The following TRAK1 variants were observed in gnomAD, a reference collection of about 807,000 sequenced individuals.
TRAK1 encodes the protein trafficking kinesin protein 1, also known as trafficking kinesin-binding protein 1.
Under a neutral mutation model 92.1 loss-of-function variants are expected in TRAK1, and 33 were observed. That is an observed-to-expected ratio of 0.36 (90% CI 0.27 to 0.48). The LOEUF (loss-of-function observed/expected upper bound fraction) is 0.48, where lower values mean the gene tolerates loss of function less well. Ranked by LOEUF, TRAK1 falls within the 20% of genes least tolerant of loss-of-function variation. The probability of loss-of-function intolerance (pLI) is 0.99; values close to 1 mark genes in which losing one functional copy is unlikely to be tolerated. For missense variants in TRAK1, 1,123 were observed against 1,257.9 expected (o/e 0.89, Z 1.62); for synonymous variants, 521 against 517.3 (o/e 1.01, Z -0.10).
intron 8 of TRAK1, 99 bp from the exon 9 acceptor site, chr3:42,193,711 GAGCATGTCCTTGTA>G: frequency 9.2e-7 from 1 of 1,086,970 alleles, no homozygotes; most frequent in South Asian, 1.3e-5. Flanking sequence ...AGTATAAGAT[GAGCATGTCCTTGTA>G]GAAAGTGATG....
intron 1 of TRAK1, among the ~76,000 whole-genome samples, chr3:42,121,010 C>A (rs1180374743): frequency 6.6e-6 from 1 of 152,162 alleles, no homozygotes; most frequent in Non-Finnish European, 1.5e-5. Context: ...CAAGTGCACC[C>A]TCCTAGGAGC....
chr3:42,117,627 C>G (rs955523612), intron 1 of TRAK1, among the ~76,000 whole-genome samples: 1 of 152,146 alleles, frequency 6.6e-6, no homozygotes, highest in Non-Finnish European at 1.5e-5. Flanking sequence ...CTACTCAGGT[C>G]CCTGTTCTCC....
chr3:42,077,259 C>A (rs1704202556), intron 1 of TRAK1, among the ~76,000 whole-genome samples: 2 of 152,098 alleles, frequency 1.3e-5, no homozygotes, highest in Non-Finnish European at 2.9e-5. Flanking sequence ...TATATTGATT[C>A]TTCCTATCCA....
At chr3:42,124,677 C>T (rs9311295) in intron 1 of TRAK1, among the ~76,000 whole-genome samples, 94,654 of 151,966 alleles carry the variant, frequency 0.62, 29,781 homozygotes, top group South Asian at 0.77. Context: ...ATGAATCAGA[C>T]ACTGAAATAC....
chr3:42,115,659 T>G (rs963429666), intron 1 of TRAK1, among the ~76,000 whole-genome samples: 2 of 152,234 alleles, frequency 1.3e-5, no homozygotes, highest in Non-Finnish European at 2.9e-5. Context: ...TTGGTTTTCG[T>G]TCCTGTCTCT....
At chr3:42,208,616 G>T (rs1708609833) in intron 13 of TRAK1, among the ~76,000 whole-genome samples, 1 of 152,214 alleles carries the variant, frequency 6.6e-6, no homozygotes, top group African/African-American at 2.4e-5. Flanking sequence ...TATACCCTTG[G>T]TAAACCAGTG....
At chr3:42,039,644 G>C (rs923417328) in intron 1 of TRAK1, among the ~76,000 whole-genome samples, 1 of 152,222 alleles carries the variant, frequency 6.6e-6, no homozygotes, top group African/African-American at 2.4e-5. Flanking sequence ...GATTACAGGC[G>C]TGAGCCAATG....
Position 42,199,172 on chromosome 3 carries a change from C to T in TRAK1, c.1114-5C>T. 3 of 1,613,280 alleles carry T rather than the reference C, an allele frequency of 1.9e-6. No homozygotes were observed. Among genetic ancestry groups the T allele is most frequent in the Non-Finnish European group, 2.5e-6 (3 of 1,180,004 alleles). ...CTTGACATTTGTCTTTCTGGCTTTT[C>T]CCAGGATTCCTTGGCAGCAGAGATT... On this transcript the variant is annotated splice_polypyrimidine_tract_variant and splice_region_variant and intron_variant, in intron 10 of 15. Coordinates refer to ENST00000327628, the MANE Select transcript of TRAK1 (RefSeq NM_001042646.3).
At chr3:42,212,419 G>T in intron 14 of TRAK1, 1 of 985,438 alleles carries the variant, frequency 1.0e-6, no homozygotes, top group Non-Finnish European at 1.2e-6. Flanking sequence ...GGGAAAACTT[G>T]TATGCTAGGC....
At chr3:42,213,204 C>T (rs1047769879) in intron 14 of TRAK1, among the ~76,000 whole-genome samples, 4 of 152,014 alleles carry the variant, frequency 2.6e-5, no homozygotes, top group Non-Finnish European at 5.9e-5. Context: ...ACTATAGGCA[C>T]ACGTCACCAT....
rs778596491 is a variant in TRAK1, at chr3:42,191,654, T to C, written c.769+18T>C. On this transcript the variant is annotated intron_variant, in intron 7 of 15. Transcript: ENST00000327628. ...GGAGCTGAGTATGTCCCCGCACTGC[T>C]GTCTTCTTACTTCCTTGCATCTGCT... 1.3e-6 allele frequency: 2 copies of C among 1,584,504 alleles called. No individual in the cohort carries two copies. Among genetic ancestry groups the C allele is most frequent in the Non-Finnish European group, 1.7e-6 (2 of 1,164,456 alleles).
chr3:42,142,017 G>A (rs560112035), intron 2 of TRAK1, among the ~76,000 whole-genome samples: 6 of 152,170 alleles, frequency 3.9e-5, no homozygotes, highest in South Asian at 4.2e-4. Flanking sequence ...CATGCCTCCC[G>A]GCTACTCAGG....
intron 1 of TRAK1, among the ~76,000 whole-genome samples, chr3:42,099,398 T>C (rs1018186100): frequency 2.0e-5 from 3 of 152,136 alleles, no homozygotes; most frequent in East Asian, 1.9e-4. Flanking sequence ...TGGCACCAAC[T>C]CCAGACCTGA....
At chr3:42,123,443 C>A (rs1313024934) in intron 1 of TRAK1, among the ~76,000 whole-genome samples, 6 of 152,162 alleles carry the variant, frequency 3.9e-5, no homozygotes, top group African/African-American at 7.2e-5. Context: ...TGCAGTGAAT[C>A]CCTGGCCCTG....
At chr3:42,057,096 T>C (rs944500410) in intron 1 of TRAK1, among the ~76,000 whole-genome samples, 2 of 152,200 alleles carry the variant, frequency 1.3e-5, no homozygotes, top group Non-Finnish European at 2.9e-5. Context: ...GCAGTGATCA[T>C]GAAGATGGGA....
chr3:42,059,229 G>A (rs1703327644), intron 1 of TRAK1, among the ~76,000 whole-genome samples: 1 of 151,926 alleles, frequency 6.6e-6, no homozygotes, highest in South Asian at 2.1e-4. Flanking sequence ...GAGTAGCTGG[G>A]ACTATAGGCA....
intron 1 of TRAK1, among the ~76,000 whole-genome samples, chr3:42,077,129 T>C (rs1576253880): frequency 1.3e-5 from 2 of 152,348 alleles, no homozygotes; most frequent in South Asian, 2.1e-4. Flanking sequence ...TTTGTTGTTT[T>C]TGTTGTTCCA....
chr3:42,164,158 A>G (rs1371690635), intron 2 of TRAK1, among the ~76,000 whole-genome samples: 1 of 152,230 alleles, frequency 6.6e-6, no homozygotes, highest in East Asian at 1.9e-4. Context: ...ACAGGAAGCC[A>G]GTCCCATGTG....
chr3:42,203,761 A>T, intron 13 of TRAK1: 2 of 902,112 alleles, frequency 2.2e-6, no homozygotes, highest in Non-Finnish European at 2.5e-6. Context: ...GTTTTTTCCT[A>T]ATCACCCCCC....
Sources: allele counts gnomAD v4.1 joint callset (sites outside exome capture counted in the v4.1 genomes callset), GRCh38; gene constraint gnomAD v4.1.1; transcripts MANE v1.5; gene names NCBI Gene and HGNC (gene_info 2026-07-23, HGNC 2026-07-21).